Variants in ARHGAP20 observed in about 807,000 individuals in gnomAD.
The protein encoded by ARHGAP20 is Rho GTPase activating protein 20, also known as rho GTPase-activating protein 20.
A neutral mutation model predicts 73.7 loss-of-function variants in ARHGAP20; 34 were observed. The observed-to-expected ratio is 0.46, with a 90% CI of 0.35 to 0.61. The LOEUF (loss-of-function observed/expected upper bound fraction) is 0.61, where lower values mean the gene tolerates loss of function less well. Ranked by LOEUF, ARHGAP20 falls within the 20% of genes least tolerant of loss-of-function variation. The probability of loss-of-function intolerance (pLI) is 0.00; values close to 1 mark genes in which losing one functional copy is unlikely to be tolerated. For missense variants in ARHGAP20, 1,314 were observed against 1,420.9 expected (o/e 0.92, Z 1.21); for synonymous variants, 523 against 518.2 (o/e 1.01, Z -0.13).
intron 2 of ARHGAP20, among the ~76,000 whole-genome samples, chr11:110,644,502 C>T (rs918335025): frequency 7.2e-5 from 11 of 152,026 alleles, no homozygotes; most frequent in African/African-American, 2.2e-4. Context: ...AATAAAGCTG[C>T]ATACCTACAA....
chr11:110,600,826 A>G (rs1948092237), intron 9 of ARHGAP20, among the ~76,000 whole-genome samples: 1 of 152,226 alleles, frequency 6.6e-6, no homozygotes, highest in Non-Finnish European at 1.5e-5. Flanking sequence ...AACCATTCCA[A>G]AGATGAGTTA....
At chr11:110,594,199 C>T (rs1325785733) in intron 9 of ARHGAP20, among the ~76,000 whole-genome samples, 1 of 152,168 alleles carries the variant, frequency 6.6e-6, no homozygotes, top group East Asian at 1.9e-4. Context: ...GCCTTAAGAT[C>T]ATCATCTACA....
chr11:110,697,346 AT>A (rs1265312064), intron 1 of ARHGAP20, among the ~76,000 whole-genome samples: 1 of 151,420 alleles, frequency 6.6e-6, no homozygotes, highest in Non-Finnish European at 1.5e-5. Context: ...ATTTTTGAGC[AT>A]TTTTTCATGT....
In ARHGAP20 at chr11:110,630,628, T is replaced by C. The variant is rs751635883; in HGVS notation, c.353A>G (p.Lys118Arg). The C allele has an allele frequency of 1.4e-5, 23 of 1,613,762 alleles. No homozygotes were observed. The highest frequency in any genetic ancestry group is 1.8e-5 in the Non-Finnish European group (21 of 1,179,888). ...FNDLFVVAKIKYNNNFKIKNK... is the reference protein window; with the variant it reads ...FNDLFVVAKIRYNNNFKIKNK... ...AATCAGGAGTATATAGTATACATAC[T>C]TGATTTTGGCCACAACAAACAGATC... Residue 118 changes from lysine (K) to arginine (R), a missense_variant and splice_region_variant, in exon 3 of 15, where the codon AAA (lysine) becomes AGA (arginine). Physicochemically the swap from Lys to Arg is conservative, Grantham distance 26 (BLOSUM62 2). Transcript: ENST00000683387.
chr11:110,690,396 A>C, intron 2 of ARHGAP20, 151 bp downstream of exon 2: 1 of 708,906 alleles, frequency 1.4e-6, no homozygotes. Context: ...TAACCTCAGA[A>C]CAAAAGTTGT....
intron 2 of ARHGAP20, among the ~76,000 whole-genome samples, chr11:110,658,872 GT>G (rs1239626254): frequency 2.0e-5 from 3 of 152,166 alleles, no homozygotes; most frequent in Non-Finnish European, 2.9e-5. Flanking sequence ...TGCCCTTCAA[GT>G]GTTGCTAAGG....
chr11:110,648,061 A>C (rs1296506396), intron 2 of ARHGAP20, among the ~76,000 whole-genome samples: 3 of 150,774 alleles, frequency 2.0e-5, no homozygotes, highest in Non-Finnish European at 4.4e-5. Context: ...GCATTGAATA[A>C]CTACCAAAAA....
At chr11:110,623,410 A>G (rs1265857594) in intron 4 of ARHGAP20, among the ~76,000 whole-genome samples, 1 of 152,202 alleles carries the variant, frequency 6.6e-6, no homozygotes, top group South Asian at 2.1e-4. Context: ...GACAGTGCCA[A>G]TAAAGCATAA....
intron 7 of ARHGAP20, among the ~76,000 whole-genome samples, chr11:110,611,092 A>C (rs971438012): frequency 6.6e-6 from 1 of 152,098 alleles, no homozygotes; most frequent in African/African-American, 2.4e-5. Context: ...CAATCTTATA[A>C]TTTTCAGTTC....
At chr11:110,596,119 C>G (rs923218738) in intron 9 of ARHGAP20, among the ~76,000 whole-genome samples, 1 of 152,136 alleles carries the variant, frequency 6.6e-6, no homozygotes, top group Non-Finnish European at 1.5e-5. Flanking sequence ...GGATGCCTTC[C>G]TCACACCTTA....
chr11:110,708,878 T>C (rs537424937), intron 1 of ARHGAP20, among the ~76,000 whole-genome samples: 11 of 152,366 alleles, frequency 7.2e-5, no homozygotes, highest in African/African-American at 2.6e-4. Context: ...GTTTATTCTA[T>C]ATCAATTATA....
chr11:110,711,751 C>G, intron 1 of ARHGAP20: 7 of 1,362,250 alleles, frequency 5.1e-6, no homozygotes, highest in African/African-American at 1.5e-5. Context: ...TCGCCCAGGC[C>G]ACTTCGGGAG....
At chr11:110,634,188 G>T (rs2134966423) in intron 2 of ARHGAP20, among the ~76,000 whole-genome samples, 1 of 152,286 alleles carries the variant, frequency 6.6e-6, no homozygotes, top group East Asian at 1.9e-4. Context: ...TGAGAAAACA[G>T]TTCCAGGAGA....
intron 9 of ARHGAP20, among the ~76,000 whole-genome samples, chr11:110,601,063 T>C (rs1948098343): frequency 6.6e-6 from 1 of 152,248 alleles, no homozygotes; most frequent in Non-Finnish European, 1.5e-5. Flanking sequence ...TCTCAGACAA[T>C]ATTCTAACAG....
intron 12 of ARHGAP20, among the ~76,000 whole-genome samples, chr11:110,585,496 A>G (rs79797622): frequency 0.039 from 5,890 of 152,250 alleles, 413 homozygotes; most frequent in African/African-American, 0.13. Context: ...TTAAGAAAAA[A>G]CAACTGTACT....
chr11:110,626,720 T>C (rs1035499227), intron 3 of ARHGAP20, among the ~76,000 whole-genome samples: 1 of 151,954 alleles, frequency 6.6e-6, no homozygotes, highest in African/African-American at 2.4e-5. Context: ...TCTCTTCAGC[T>C]TTTCAATCTT....
rs556329648 is a variant in ARHGAP20, at chr11:110,627,174, C to T, written c.354-2863G>A. ...CATGATCTTGGCTCACTGCAACCACCACCCCTCAGGTTCAAGTGATTCTCG... is the reference window on the plus strand; with the variant it reads ...CATGATCTTGGCTCACTGCAACCACTACCCCTCAGGTTCAAGTGATTCTCG... On this transcript the variant is annotated intron_variant, in intron 3 of 14. Transcript: ENST00000683387. Among the ~76,000 whole-genome samples, 7 of 152,170 alleles carry T rather than the reference C, an allele frequency of 4.6e-5. No homozygotes were observed. The East Asian group carries it at 1.4e-3, about 29-fold the overall frequency.
In ARHGAP20 at chr11:110,693,901, CT is replaced by C. The variant is rs553656753; in HGVS notation, c.106-3273del. Among the ~76,000 whole-genome samples the C allele has an allele frequency of 2.9e-4, 44 of 151,878 alleles. No individual in the cohort carries two copies. In the South Asian group the frequency reaches 3.9e-3, roughly 14 times the overall value. The stretch of plus-strand genomic sequence containing the variant: ...TTTGCTTCACAGAAAACAAGGTAAA[CT>C]TCAAACAGTATATAGTATATATTTT... On this transcript the variant is annotated intron_variant, in intron 1 of 14. Transcript: ENST00000683387.
intron 1 of ARHGAP20, among the ~76,000 whole-genome samples, chr11:110,693,719 T>C (rs1007272390): frequency 1.3e-5 from 2 of 152,064 alleles, no homozygotes; most frequent in East Asian, 1.9e-4. Flanking sequence ...TTAGATTTTC[T>C]TGTTTACAAC....
Sources: allele counts gnomAD v4.1 joint callset (sites outside exome capture counted in the v4.1 genomes callset), GRCh38; gene constraint gnomAD v4.1.1; transcripts MANE v1.5; gene names NCBI Gene and HGNC (gene_info 2026-07-23, HGNC 2026-07-21).